Variants in SVIL observed in about 807,000 individuals in gnomAD.
SVIL encodes the protein supervillin.
In SVIL, 101 loss-of-function variants were observed where a neutral mutation model predicts 240.4. The ratio of observed to expected loss-of-function variants is 0.42; its 90% CI spans 0.36 to 0.50. The LOEUF (loss-of-function observed/expected upper bound fraction) is 0.50. SVIL is among the 20% of genes least tolerant of loss of function. The pLI is 0.01. For synonymous variants in SVIL, 999 were observed against 1,100.0 expected (o/e 0.91, Z 1.82); for missense variants, 2,512 against 2,818.7 (o/e 0.89, Z 2.46).
intron 5 of SVIL, among the ~76,000 whole-genome samples, chr10:29,553,030 C>A (rs1383052878): frequency 6.6e-6 from 1 of 151,158 alleles, no homozygotes; most frequent in African/African-American, 2.4e-5. Flanking sequence ...GTTGTCCAGG[C>A]TAATCTTGCA....
intron 3 of SVIL, among the ~76,000 whole-genome samples, chr10:29,641,582 A>T (rs1958488464): frequency 6.6e-6 from 1 of 150,948 alleles, no homozygotes; most frequent in South Asian, 2.1e-4. Context: ...ATAAATAAAT[A>T]AAAAATAAAA....
rs376406737 is a variant in SVIL at position 29,718,275 on chromosome 10, G to A, written c.-400+17476C>T. Among the ~76,000 whole-genome samples, 968 of 151,622 alleles carry A rather than the reference G, an allele frequency of 6.4e-3. 3 individuals are homozygous for A. Among genetic ancestry groups the A allele is most frequent in the Non-Finnish European group, 7.6e-3 (518 of 67,934 alleles). Reference sequence around the variant, plus strand: ...CAGGAGGTGGAGGTTGCAGTGAGCCGAGATCGCGCCACTGCACTCCAGCCT... The same window carrying A: ...CAGGAGGTGGAGGTTGCAGTGAGCCAAGATCGCGCCACTGCACTCCAGCCT... On this transcript the variant is annotated intron_variant, in intron 1 of 35. Coordinates refer to the SVIL transcript ENST00000375400.
At chr10:29,721,415 G>T (rs1325349480) in intron 1 of SVIL, among the ~76,000 whole-genome samples, 1 of 151,366 alleles carries the variant, frequency 6.6e-6, no homozygotes, top group African/African-American at 2.4e-5. Context: ...CCAATTAAAA[G>T]ACTAATTTTC....
At chr10:29,654,624 G>A (rs780026438) in intron 3 of SVIL, among the ~76,000 whole-genome samples, 4 of 152,292 alleles carry the variant, frequency 2.6e-5, no homozygotes, top group Non-Finnish European at 4.4e-5. Context: ...ATAGAAGTAG[G>A]CAGGAAATGT....
intron 1 of SVIL, among the ~76,000 whole-genome samples, chr10:29,707,411 G>A (rs975969632): frequency 6.6e-6 from 1 of 152,028 alleles, no homozygotes; most frequent in African/African-American, 2.4e-5. Context: ...ATTGTGATTG[G>A]GAGTTCATTC....
chr10:29,679,074 G>A (rs1042888355), intron 2 of SVIL, among the ~76,000 whole-genome samples: 14 of 152,084 alleles, frequency 9.2e-5, no homozygotes, highest in African/African-American at 2.2e-4. Flanking sequence ...GCATGGTGGC[G>A]CACGCCTGTA....
In SVIL at chr10:29,478,958, A is replaced by G. The variant is rs1946525920; in HGVS notation, c.5377+1579T>C. Among the ~76,000 whole-genome samples, 4 of 151,082 alleles carry G rather than the reference A, an allele frequency of 2.6e-5. No homozygotes were observed. In the South Asian group the frequency reaches 8.3e-4, roughly 31 times the overall value. ...AAAAAAAAAAAAAAAAAAGAACAAA[A>G]AGAGAGAAAGAAATGTCCCTCCCAT... On this transcript the variant is annotated intron_variant, in intron 29 of 37. Coordinates refer to ENST00000355867, the MANE Select transcript of SVIL (RefSeq NM_021738.3).
rs371834864 is a variant in SVIL, at chr10:29,542,479, G to A, written c.828-6410C>T. On this transcript the variant is annotated intron_variant, in intron 6 of 37. Coordinates refer to ENST00000355867, the MANE Select transcript of SVIL (RefSeq NM_021738.3). ...CGAAATTGCTAAAATCCTCTTCTGG[G>A]TATGACAGCCATGATCTAGGGTGCT... Among the ~76,000 whole-genome samples the A allele has an allele frequency of 3.3e-5, 5 of 151,980 alleles. No homozygotes were observed. The East Asian group carries it at 9.7e-4, about 29-fold the overall frequency.
At chr10:29,675,256 T>G (rs912510975) in intron 2 of SVIL, among the ~76,000 whole-genome samples, 2 of 152,078 alleles carry the variant, frequency 1.3e-5, no homozygotes, top group Non-Finnish European at 2.9e-5. Flanking sequence ...TCCCAGAATT[T>G]TGCAGGGCCA....
intron 1 of SVIL, among the ~76,000 whole-genome samples, chr10:29,629,167 A>G (rs1957989070): frequency 6.6e-6 from 1 of 152,106 alleles, no homozygotes; most frequent in Non-Finnish European, 1.5e-5. Flanking sequence ...TTTCAACACA[A>G]GGAGAAGCCA....
chr10:29,466,405 C>G (rs919441878), intron 33 of SVIL, among the ~76,000 whole-genome samples: 5 of 152,104 alleles, frequency 3.3e-5, no homozygotes, highest in African/African-American at 7.2e-5. Context: ...TATGATTGTG[C>G]TGAGAAATGA....
chr10:29,622,361 G>A (rs750201798), intron 1 of SVIL, among the ~76,000 whole-genome samples: 1 of 150,544 alleles, frequency 6.6e-6, no homozygotes, highest in African/African-American at 2.4e-5. Flanking sequence ...CAGGTGACAA[G>A]CGCACCATCT....
In SVIL at chr10:29,481,133, GGTGTGTGTGT is replaced by G. The variant is rs57479630; in HGVS notation, c.5101-330_5101-321del. ...CCTGGGAAGGCTTCCTAGCTTTAAG[GGTGTGTGTGT>G]GTGTGTGTGTGTGTGTGTGTGTGTT... On this transcript the variant is annotated intron_variant, in intron 28 of 37. Transcript: ENST00000355867. Among the ~76,000 whole-genome samples the G allele has an allele frequency of 1.8e-3, 248 of 141,400 alleles. 7 individuals are homozygous for G. The South Asian group carries it at 0.052, about 30-fold the overall frequency. The allele number at this position is 141,400 out of a possible 152,430, so 92.8% of individuals were successfully genotyped here. A position where few individuals can be genotyped will look rare whatever the true frequency, so the allele number is the denominator to read the frequency against.
chr10:29,481,843 T>C, intron 27 of SVIL, 115 bp from the exon 28 acceptor site: 1 of 896,244 alleles, frequency 1.1e-6, no homozygotes, highest in Non-Finnish European at 1.7e-6. Flanking sequence ...TCAAAGTACG[T>C]GAGTACATAT....
At chr10:29,677,255 G>A (rs1195112623) in intron 2 of SVIL, among the ~76,000 whole-genome samples, 1 of 152,138 alleles carries the variant, frequency 6.6e-6, no homozygotes, top group African/African-American at 2.4e-5. Context: ...CCCCCAAGTA[G>A]TGTTTCCAAG....
At chr10:29,521,096 G>A (rs1273766815) in intron 16 of SVIL, among the ~76,000 whole-genome samples, 4 of 151,698 alleles carry the variant, frequency 2.6e-5, no homozygotes, top group South Asian at 4.2e-4. Context: ...GGTGGTGTGC[G>A]TCTGTAGTCC....
chr10:29,544,508 AC>A (rs1182450281), intron 6 of SVIL, among the ~76,000 whole-genome samples: 1 of 152,150 alleles, frequency 6.6e-6, no homozygotes, highest in Non-Finnish European at 1.5e-5. Flanking sequence ...TAGTCCCAGC[AC>A]TTTGGGAGGC....
At chr10:29,486,257 A>G (rs755004327) in intron 25 of SVIL, 27 bp from the exon 26 acceptor site, 1 of 1,612,252 alleles carries the variant, frequency 6.2e-7, no homozygotes, top group Non-Finnish European at 8.5e-7. Context: ...ACAGGAGAGC[A>G]TCACATTTTA....
intron 1 of SVIL, 99 bp from the exon 2 acceptor site, chr10:29,569,411 A>C: frequency 2.2e-6 from 1 of 461,782 alleles, no homozygotes; most frequent in African/African-American, 2.1e-5. Context: ...CATATAATTT[A>C]AGAAAAAGAA....
Sources: allele counts gnomAD v4.1 joint callset (sites outside exome capture counted in the v4.1 genomes callset), GRCh38; gene constraint gnomAD v4.1.1; transcripts MANE v1.5; gene names NCBI Gene and HGNC (gene_info 2026-07-23, HGNC 2026-07-21).